ATP2C2: variants seen among roughly 807,000 people sequenced by gnomAD.
The protein encoded by ATP2C2 is calcium-transporting ATPase type 2C member 2.
In ATP2C2, 171 loss-of-function variants were observed where a neutral mutation model predicts 110.8. The ratio of observed to expected loss-of-function variants is 1.54; its 90% confidence interval spans 1.36 to 1.75. ATP2C2 has a LOEUF of 1.75. Among genes scored for constraint, ATP2C2 ranks in the 40% most tolerant of loss-of-function variants. The probability of loss-of-function intolerance (pLI) is 0.00; values close to 1 mark genes in which losing one functional copy is unlikely to be tolerated. For missense variants in ATP2C2, 1,963 were observed against 1,235.0 expected (o/e 1.59, Z -8.84); for synonymous variants, 804 against 508.4 (o/e 1.58, Z -7.82).
intron 1 of ATP2C2, among the ~76,000 whole-genome samples, chr16:84,382,092 C>T (rs1286504716): frequency 1.3e-5 from 2 of 152,154 alleles, no homozygotes; most frequent in African/African-American, 2.4e-5. Context: ...CCCATCAACC[C>T]ATCATCTACA....
chr16:84,416,364 A>C (rs576829549), intron 7 of ATP2C2, among the ~76,000 whole-genome samples: 6 of 152,328 alleles, frequency 3.9e-5, no homozygotes, highest in East Asian at 1.9e-4. Flanking sequence ...AAGAATGTGT[A>C]AGGACTGTTC....
chr16:84,399,579 A>G (rs974477012), intron 2 of ATP2C2, among the ~76,000 whole-genome samples: 7 of 152,176 alleles, frequency 4.6e-5, no homozygotes, highest in African/African-American at 7.2e-5. Flanking sequence ...AAAGAGCTTG[A>G]ATGGAGTTGG....
At chr16:84,400,928 C>A (rs117110300) in intron 2 of ATP2C2, among the ~76,000 whole-genome samples, 4,716 of 152,252 alleles carry the variant, frequency 0.031, 90 homozygotes, top group Non-Finnish European at 0.048. Context: ...AGGTTTTCTC[C>A]TATAGAGTTG....
chr16:84,423,307 G>C (rs763848634), intron 10 of ATP2C2, 44 bp downstream of exon 10: 1 of 1,566,402 alleles, frequency 6.4e-7, no homozygotes, highest in South Asian at 1.1e-5. Flanking sequence ...TGCAGATGGA[G>C]GGGAGCCATC....
chr16:84,452,149 G>C, intron 18 of ATP2C2, 58 bp downstream of exon 18: 1 of 1,594,746 alleles, frequency 6.3e-7, no homozygotes. Context: ...TTTACGATGG[G>C]GGGCTGCTAC....
In ATP2C2 at chr16:84,439,475, A is replaced by C. The variant is rs200192229; in HGVS notation, c.1160A>C (p.Asn387Thr). The change falls in exon 13 of 27, where the codon AAT becomes ACT. Residue 387 changes from asparagine (N) to threonine (T), a missense_variant. Physicochemically the swap from Asn to Thr is moderately conservative, Grantham distance 65. Transcript: ENST00000262429. ...GACAAGACGGGGACTCTGACTGCCA[A>C]TGAAATGACAGTGACCCAGCTTGTA... ...CSDKTGTLTANEMTVTQLVTS... is the reference protein window; with the variant it reads ...CSDKTGTLTATEMTVTQLVTS... The C allele has an allele frequency of 6.2e-7, 1 of 1,614,196 alleles. No individual in the cohort carries two copies. The highest frequency in any genetic ancestry group is 1.1e-5 in the South Asian group (1 of 91,082).
rs757997638 is a variant in ATP2C2 at position 84,461,997 on chromosome 16, A to G, written c.2590A>G (p.Ile864Val). The change falls in exon 26 of 27, where the codon ATA becomes GTA. Residue 864 changes from isoleucine (I) to valine (V), a missense_variant. Ile to Val is a conservative substitution (Grantham distance 29, BLOSUM62 3). Coordinates refer to ENST00000262429, the MANE Select transcript of ATP2C2 (RefSeq NM_014861.4). ...ALTCRSQTKL[I>V]FEIGFLRNHM... is the part of the protein sequence containing the mutation. ...GACCTTCTCCCTGCAGACCAAGCTG[A>G]TATTTGAGATCGGCTTTCTCAGGAA... The G allele has an allele frequency of 6.8e-5, 110 of 1,613,684 alleles. 1 individual carries two copies. The South Asian group carries it at 9.3e-4, about 14-fold the overall frequency.
At chr16:84,387,598 G>C (rs528848260) in intron 1 of ATP2C2, among the ~76,000 whole-genome samples, 2 of 152,176 alleles carry the variant, frequency 1.3e-5, no homozygotes. Flanking sequence ...ATGAAGCAGC[G>C]TACTTAGAAT....
chr16:84,395,832 T>C (rs781518292), intron 1 of ATP2C2, among the ~76,000 whole-genome samples: 1 of 152,192 alleles, frequency 6.6e-6, no homozygotes, highest in Non-Finnish European at 1.5e-5. Flanking sequence ...TGGTAAAATA[T>C]ACATAACATA....
Position 84,425,818 on chromosome 16 carries a change from C to G in ATP2C2, c.986+17C>G, listed in dbSNP as rs1891. ...CGGGGTCAGGTAAGAGTGCTATGGCCGCCCCTTGCCTTGCCAGGGTGGTCA... is the reference window on the plus strand; with the variant it reads ...CGGGGTCAGGTAAGAGTGCTATGGCGGCCCCTTGCCTTGCCAGGGTGGTCA... On this transcript the variant is annotated intron_variant, in intron 11 of 26. Coordinates refer to ENST00000262429, the MANE Select transcript of ATP2C2 (RefSeq NM_014861.4). 126,066 of 1,613,120 alleles carry G rather than the reference C, an allele frequency of 0.078. 5,430 individuals carry two copies. Among genetic ancestry groups the G allele is most frequent in the African/African-American group, 0.16 (11,673 of 74,900 alleles).
chr16:84,450,766 C>T (rs1910184567), intron 17 of ATP2C2, among the ~76,000 whole-genome samples: 1 of 152,036 alleles, frequency 6.6e-6, no homozygotes, highest in Non-Finnish European at 1.5e-5. Context: ...GAGTCAAGGC[C>T]CAGGGCAAGC....
rs986836539 is a variant in ATP2C2 at position 84,439,200 on chromosome 16, A to T, written c.1021A>T (p.Ile341Phe). The T allele has an allele frequency of 1.9e-6, 3 of 1,612,130 alleles. No homozygotes were observed. Among genetic ancestry groups the T allele is most frequent in the Non-Finnish European group, 2.5e-6 (3 of 1,180,038 alleles). Residue 341 changes from isoleucine (I) to phenylalanine (F), a missense_variant, in exon 12 of 27, where the codon ATC becomes TTC. Transcript: ENST00000262429. ...AVAAIPEGLP[I>F]VVMVTLVLGV... ...GGCGGCCATTCCAGAGGGTCTGCCC[A>T]TCGTCGTCATGGTGACGCTGGTCCT...
chr16:84,425,793 C>A lies in ATP2C2; in HGVS notation c.978C>A (p.Ile326=), dbSNP rs546891646. 1.3e-4 allele frequency: 203 copies of A among 1,614,110 alleles called. 3 individuals carry two copies. The South Asian group carries it at 2.1e-3, about 17-fold the overall frequency. ...QGKQLLSMFT[I]GVSLAVAAIP... is the part of the protein sequence containing the mutation. Reference sequence around the variant, plus strand: ...AACAACTCCTGAGTATGTTCACGATCGGGGTCAGGTAAGAGTGCTATGGCC... The same window carrying A: ...AACAACTCCTGAGTATGTTCACGATAGGGGTCAGGTAAGAGTGCTATGGCC... Residue 326 remains isoleucine (I), a synonymous_variant, in exon 11 of 27, where the codon ATC becomes ATA. Transcript: ENST00000262429.
intron 16 of ATP2C2, among the ~76,000 whole-genome samples, chr16:84,447,657 T>A (rs1909868089): frequency 6.8e-6 from 1 of 146,922 alleles, no homozygotes; most frequent in Admixed American, 6.9e-5. Flanking sequence ...ATATAATATG[T>A]AATATATATT....
chr16:84,450,272 G>T (rs1036056760), intron 17 of ATP2C2, among the ~76,000 whole-genome samples: 1 of 152,200 alleles, frequency 6.6e-6, no homozygotes, highest in Non-Finnish European at 1.5e-5. Context: ...TCTGTGTTTA[G>T]TCTGGGATGT....
chr16:84,382,894 T>TA (rs1170344466), intron 1 of ATP2C2, among the ~76,000 whole-genome samples: 23,070 of 91,466 alleles, frequency 0.25, 3,174 homozygotes, highest in East Asian at 0.63. Context: ...AGACTCCATC[T>TA]AAAAAAAAAA....
At chr16:84,429,451 C>G (rs1256794070) in intron 11 of ATP2C2, among the ~76,000 whole-genome samples, 2 of 152,196 alleles carry the variant, frequency 1.3e-5, no homozygotes, top group African/African-American at 4.8e-5. Flanking sequence ...GTGCTTCCAG[C>G]CTTCGTGGAG....
At chr16:84,431,905 G>A (rs1360802319) in intron 11 of ATP2C2, among the ~76,000 whole-genome samples, 2 of 152,260 alleles carry the variant, frequency 1.3e-5, no homozygotes, top group Non-Finnish European at 2.9e-5. Flanking sequence ...GGGGCTGGGA[G>A]GAAGGGGGCA....
intron 26 of ATP2C2, 74 bp from the exon 27 acceptor site, chr16:84,463,540 C>A: frequency 7.9e-7 from 1 of 1,266,042 alleles, no homozygotes; most frequent in Non-Finnish European, 1.2e-6. Flanking sequence ...GGAGGACTGG[C>A]AGGGAAGGCG....
Sources: gnomAD v4.1 joint callset for allele counts (sites outside exome capture counted in the v4.1 genomes callset) on GRCh38, gnomAD v4.1.1 for gene constraint, MANE v1.5 for transcripts, NCBI Gene and HGNC (gene_info 2026-07-23, HGNC 2026-07-21) for gene names.